Variants in TPCN2 observed in about 807,000 individuals in gnomAD.
The protein encoded by TPCN2 is two pore channel protein 2.
In TPCN2, 92 loss-of-function variants were observed where a neutral mutation model predicts 111.4. The observed-to-expected ratio is 0.83, with a 90% confidence interval of 0.70 to 0.98. TPCN2 has a LOEUF of 0.98. Ranked by LOEUF, TPCN2 falls within the 50% of genes least tolerant of loss-of-function variation. TPCN2 has a pLI of 0.00. For missense variants in TPCN2, 995 were observed against 980.1 expected, an observed-to-expected ratio of 1.02 and a Z score of -0.20; for synonymous variants, 405 against 414.5, an observed-to-expected ratio of 0.98 and a Z score of 0.28.
At chr11:69,050,011 CTCTT>C (rs1052905756) in intron 1 of TPCN2, among the ~76,000 whole-genome samples, 1 of 152,254 alleles carries the variant, frequency 6.6e-6, no homozygotes, top group Non-Finnish European at 1.5e-5. Flanking sequence ...TCTCTGGCCT[CTCTT>C]TCCTTCTTTC....
chr11:69,086,970 G>A, intron 23 of TPCN2, 142 bp from the exon 24 acceptor site: 1 of 673,968 alleles, frequency 1.5e-6, no homozygotes, highest in Non-Finnish European at 2.5e-6. Flanking sequence ...GCAGCCTCGT[G>A]GGGCCTGTGC....
At position 69,085,755 on chromosome 11, in the gene TPCN2, G is replaced by A; in HGVS notation, c.1920+3G>A. 6.2e-7 allele frequency: 1 copy of A among 1,614,026 alleles called. No homozygotes were observed. The highest frequency in any genetic ancestry group is 1.1e-5 in the South Asian group (1 of 91,084). ...CCAACAACTTCGATGACTTTGCGGTGAGCCCTGCGCCCTGTCCCAGCACCC... is the reference window on the plus strand; with the variant it reads ...CCAACAACTTCGATGACTTTGCGGTAAGCCCTGCGCCCTGTCCCAGCACCC... On this transcript the variant is annotated splice_donor_region_variant and intron_variant, in intron 21 of 24. Coordinates refer to ENST00000294309, the MANE Select transcript of TPCN2 (RefSeq NM_139075.4).
intron 2 of TPCN2, 102 bp from the exon 3 acceptor site, chr11:69,054,619 A>G: frequency 8.8e-7 from 1 of 1,131,102 alleles, no homozygotes; most frequent in Non-Finnish European, 1.3e-6. Context: ...CCTGTGATCC[A>G]CAGCCTGAGA....
intron 18 of TPCN2, 101 bp from the exon 19 acceptor site, chr11:69,083,844 C>G: frequency 1.9e-6 from 2 of 1,076,576 alleles, no homozygotes; most frequent in Non-Finnish European, 2.8e-6. Context: ...CATTGGCCTG[C>G]CCCATCTTGC....
At chr11:69,084,064 G>T in intron 19 of TPCN2, 48 bp downstream of exon 19, 1 of 1,585,912 alleles carries the variant, frequency 6.3e-7, no homozygotes, top group South Asian at 1.1e-5. Flanking sequence ...TGGAGTGGGA[G>T]GCTGGGAGGC....
At chr11:69,070,272 C>T (rs951762177) in intron 8 of TPCN2, among the ~76,000 whole-genome samples, 158 bp from the exon 9 acceptor site, 2 of 152,060 alleles carry the variant, frequency 1.3e-5, no homozygotes, top group African/African-American at 2.4e-5. Flanking sequence ...GTGATCCACC[C>T]GCCTCAGCCT....
chr11:69,054,964 A>C (rs560397347), intron 3 of TPCN2, among the ~76,000 whole-genome samples, 167 bp downstream of exon 3: 120 of 152,308 alleles, frequency 7.9e-4, no homozygotes, highest in African/African-American at 2.6e-3. Context: ...CTGTGATGGC[A>C]GGCTCCTTCT....
In TPCN2 at chr11:69,087,124, A is replaced by G. The variant is rs1371882527; in HGVS notation, c.2098A>G (p.Lys700Glu). Residue 700 changes from lysine to glutamate, a missense_variant, in exon 24 of 25, where the codon AAG becomes GAG. Coordinates refer to ENST00000294309, the MANE Select transcript of TPCN2 (RefSeq NM_139075.4). ...TCCTGCTTGCCAGAACTTCCTTCACAAGTGGGACCCCCGCAGCCACCTGCA... is the reference window on the plus strand; with the variant it reads ...TCCTGCTTGCCAGAACTTCCTTCACGAGTGGGACCCCCGCAGCCACCTGCA... ...LALILENFLH[K>E]WDPRSHLQPL... The G allele has an allele frequency of 1.2e-6, 2 of 1,613,592 alleles. No individual in the cohort carries two copies. Among genetic ancestry groups the G allele is most frequent in the Non-Finnish European group, 1.7e-6 (2 of 1,179,796 alleles).
intron 5 of TPCN2, among the ~76,000 whole-genome samples, 164 bp downstream of exon 5, chr11:69,057,858 A>G (rs1303599469): frequency 6.6e-6 from 1 of 152,020 alleles, no homozygotes; most frequent in Non-Finnish European, 1.5e-5. Context: ...TTGGCTGGGG[A>G]TCCTTGTTCC....
Position 69,049,105 on chromosome 11 carries a change from T to C in TPCN2, c.108T>C (p.Pro36=). ...CTTACCGCAGCATCCAAGTCGGCCC[T>C]GGTGAGCCGCCCGGACCTGGGGAGG... ...LTTYRSIQVG[P]GAAARWDLCI... is the part of the protein sequence containing the mutation. Residue 36 remains proline, a splice_region_variant and synonymous_variant, in exon 1 of 25, where the codon CCT becomes CCC. Transcript: ENST00000294309. 3 of 1,240,998 alleles carry C rather than the reference T, an allele frequency of 2.4e-6. No homozygotes were observed. Among genetic ancestry groups the C allele is most frequent in the Non-Finnish European group, 3.0e-6 (3 of 987,170 alleles). The allele number at this position is 1,240,998 out of a possible 1,614,324, so 76.9% of individuals were successfully genotyped here. A position where few individuals can be genotyped will look rare whatever the true frequency, so the allele number is the denominator to read the frequency against.
chr11:69,055,573 CCG>C (rs1478456803), intron 4 of TPCN2, among the ~76,000 whole-genome samples: 12 of 151,984 alleles, frequency 7.9e-5, no homozygotes, highest in African/African-American at 2.9e-4. Context: ...GGCCAGTGTG[CCG>C]TCAGCTCTCC....
intron 6 of TPCN2, 70 bp from the exon 7 acceptor site, chr11:69,063,825 C>G (rs11228472): frequency 0.48 from 706,912 of 1,483,368 alleles, 176,003 homozygotes; most frequent in Non-Finnish European, 0.53. Flanking sequence ...GTCACCGAGC[C>G]CTGCAGGCAG....
intron 18 of TPCN2, among the ~76,000 whole-genome samples, chr11:69,082,678 CGTGT>C (rs1565094787): frequency 2.2e-5 from 3 of 134,826 alleles, no homozygotes; most frequent in African/African-American, 5.6e-5. Flanking sequence ...AACTCGTGCC[CGTGT>C]AAGACGCATG....
chr11:69,085,046 C>T (rs1454619558), intron 19 of TPCN2, among the ~76,000 whole-genome samples, 164 bp from the exon 20 acceptor site: 1 of 152,162 alleles, frequency 6.6e-6, no homozygotes, highest in Non-Finnish European at 1.5e-5. Context: ...CTGGGGGAGG[C>T]CAGCTGCGTG....
intron 18 of TPCN2, among the ~76,000 whole-genome samples, chr11:69,083,015 C>T (rs1404174014): frequency 6.9e-6 from 1 of 145,460 alleles, no homozygotes; most frequent in African/African-American, 2.6e-5. Flanking sequence ...CGTGTGTGCA[C>T]ACATCGCATG....
At chr11:69,068,392 A>G (rs1195090131) in intron 8 of TPCN2, among the ~76,000 whole-genome samples, 19 of 52,912 alleles carry the variant, frequency 3.6e-4, no homozygotes, top group East Asian at 4.6e-4. Flanking sequence ...TGGGAGCAGG[A>G]CCGTCTGAGT....
In TPCN2 at chr11:69,078,732, A is replaced by C. The variant is rs1414753765; in HGVS notation, c.1351-2A>C. 13 of 1,613,742 alleles carry C rather than the reference A, an allele frequency of 8.1e-6. No homozygotes were observed. ...GGCGAGCCCTCTGTTCTGGCGTTGC[A>C]GGTGTTCCTGGTGCTGGATGCAGAT... On this transcript the variant is annotated splice_acceptor_variant, in intron 14 of 24. Coordinates refer to ENST00000294309, the MANE Select transcript of TPCN2 (RefSeq NM_139075.4). LOFTEE classifies it high-confidence loss of function.
At chr11:69,054,639 G>T in intron 2 of TPCN2, 82 bp from the exon 3 acceptor site, 1 of 1,318,096 alleles carries the variant, frequency 7.6e-7, no homozygotes, top group South Asian at 1.2e-5. Flanking sequence ...ACTTGGGCCT[G>T]TCTCGTGTGT....
At chr11:69,082,317 C>G (rs1219091444) in intron 18 of TPCN2, among the ~76,000 whole-genome samples, 1 of 152,270 alleles carries the variant, frequency 6.6e-6, no homozygotes, top group Non-Finnish European at 1.5e-5. Context: ...TGTGACCATG[C>G]ACATGCATAT....
Sources: gnomAD v4.1 joint callset for allele counts (sites outside exome capture counted in the v4.1 genomes callset) on GRCh38, gnomAD v4.1.1 for gene constraint, MANE v1.5 for transcripts, NCBI Gene and HGNC (gene_info 2026-07-23, HGNC 2026-07-21) for gene names.